Variants in STX8 observed in about 807,000 individuals in gnomAD.
The protein encoded by STX8 is syntaxin 8, also known as syntaxin-8.
Under a neutral mutation model 37.5 loss-of-function variants are expected in STX8, and 23 were observed. That is an observed-to-expected ratio of 0.61 (90% CI 0.44 to 0.87). STX8 has a LOEUF of 0.87. STX8 is among the 40% of genes least tolerant of loss of function. The probability of loss-of-function intolerance (pLI) is 0.00; values close to 1 mark genes in which losing one functional copy is unlikely to be tolerated. For missense variants in STX8, 313 were observed against 284.7 expected (o/e 1.10, Z -0.71); for synonymous variants, 115 against 99.1 (o/e 1.16, Z -0.95).
At chr17:9,422,042 G>A (rs554422336) in intron 6 of STX8, among the ~76,000 whole-genome samples, 3 of 151,868 alleles carry the variant, frequency 2.0e-5, no homozygotes, top group Admixed American at 6.6e-5. Context: ...TTCCTGTAGA[G>A]CCTGTGGAAC....
At chr17:9,403,496 T>C (rs1263030828) in intron 6 of STX8, among the ~76,000 whole-genome samples, 1 of 152,144 alleles carries the variant, frequency 6.6e-6, no homozygotes, top group Non-Finnish European at 1.5e-5. Context: ...ATTAACATCT[T>C]CCTTAGGAGG....
Position 9,362,843 on chromosome 17 carries a change from AT to A in STX8, c.643+15708del, listed in dbSNP as rs1161921333. Among the ~76,000 whole-genome samples, 139 of 141,978 alleles carry A rather than the reference AT, an allele frequency of 9.8e-4. 1 individual carries two copies. Among genetic ancestry groups the A allele is most frequent in the Middle Eastern group, 3.6e-3 (1 of 274 alleles). 93.1% of individuals were successfully genotyped at this position (141,978 alleles called of 152,430 possible). A position where few individuals can be genotyped will look rare whatever the true frequency, so the allele number is the denominator to read the frequency against. Reference sequence around the variant, plus strand: ...GACTCCGTCTCAAAAAAAAAAAAAAATAAATAAATAAATAAATAAATAATCT... The same window carrying A: ...GACTCCGTCTCAAAAAAAAAAAAAAAAAATAAATAAATAAATAAATAATCT... On this transcript the variant is annotated intron_variant, in intron 7 of 7. Transcript: ENST00000306357.
intron 7 of STX8, among the ~76,000 whole-genome samples, chr17:9,286,875 G>A (rs1176106970): frequency 1.3e-5 from 2 of 152,128 alleles, no homozygotes; most frequent in Non-Finnish European, 2.9e-5. Flanking sequence ...TCGAGCTGAG[G>A]CTATGCCACT....
intron 7 of STX8, among the ~76,000 whole-genome samples, chr17:9,295,999 GC>G (rs1908518699): frequency 6.6e-6 from 1 of 152,086 alleles, no homozygotes; most frequent in East Asian, 1.9e-4. Flanking sequence ...GACCATCCTG[GC>G]TAACACGGTG....
In STX8 at chr17:9,366,384, G is replaced by A. The variant is rs184046575; in HGVS notation, c.643+12168C>T. ...GTAGCTGGGACTACAGGCATGTACC[G>A]CCATGCCTGGCTAATTTGTGTATTT... is the stretch of plus-strand genomic sequence containing the variant. On this transcript the variant is annotated intron_variant, in intron 7 of 7. Transcript: ENST00000306357. 5.5e-3 allele frequency among the ~76,000 whole-genome samples: 831 copies of A among 152,206 alleles called. 8 individuals are homozygous for A. The highest frequency in any genetic ancestry group is 0.019 in the African/African-American group (789 of 41,540).
chr17:9,373,938 TAAAAAAA>T (rs76173982), intron 7 of STX8, among the ~76,000 whole-genome samples: 1 of 105,306 alleles, frequency 9.5e-6, no homozygotes, highest in Admixed American at 1.1e-4. Flanking sequence ...GAACTCTATC[TAAAAAAA>T]AAAAAAAAAA....
chr17:9,523,219 G>C (rs1395863597), intron 4 of STX8, among the ~76,000 whole-genome samples: 1 of 151,158 alleles, frequency 6.6e-6, no homozygotes, highest in Non-Finnish European at 1.5e-5. Flanking sequence ...GGCTGAGGCA[G>C]GAGAATCACT....
At position 9,262,530 on chromosome 17, in the gene STX8, CAT is replaced by C. The variant is rs141325260; in HGVS notation, c.644-11887_644-11886del. Among the ~76,000 whole-genome samples the C allele has an allele frequency of 7.6e-3, 1,156 of 152,158 alleles. 15 individuals are homozygous for C. Among genetic ancestry groups the C allele is most frequent in the African/African-American group, 0.027 (1,108 of 41,498 alleles). Reference sequence around the variant, plus strand: ...AACTCAACATCACTCAAATAAATTACATGTTTTTTGTTTCTTTGTTTTTTGGT... The same window carrying C: ...AACTCAACATCACTCAAATAAATTACGTTTTTTGTTTCTTTGTTTTTTGGT... On this transcript the variant is annotated intron_variant, in intron 7 of 7. Transcript: ENST00000306357.
At chr17:9,556,023 A>T (rs1170297389) in intron 3 of STX8, among the ~76,000 whole-genome samples, 1 of 152,228 alleles carries the variant, frequency 6.6e-6, no homozygotes, top group Admixed American at 6.5e-5. Flanking sequence ...ACCAGATGGA[A>T]GGTAAAGTAT....
chr17:9,337,211 C>CT (rs2142225649), intron 7 of STX8, among the ~76,000 whole-genome samples: 3 of 152,208 alleles, frequency 2.0e-5, no homozygotes, highest in East Asian at 1.9e-4. Flanking sequence ...AGAGAAAAGG[C>CT]TTTTTCCCAG....
intron 1 of STX8, among the ~76,000 whole-genome samples, chr17:9,570,309 C>T (rs1376500393): frequency 6.6e-6 from 1 of 151,816 alleles, no homozygotes; most frequent in Non-Finnish European, 1.5e-5. Context: ...GAGCCAGGTC[C>T]TATACTAAGA....
intron 7 of STX8, among the ~76,000 whole-genome samples, chr17:9,273,066 C>T (rs369516260): frequency 1.3e-5 from 2 of 152,332 alleles, no homozygotes; most frequent in Admixed American, 6.5e-5. Flanking sequence ...CGCCCTTTGG[C>T]GAGGCGAAAG....
chr17:9,329,008 C>A (rs766113125), intron 7 of STX8, among the ~76,000 whole-genome samples: 1 of 137,516 alleles, frequency 7.3e-6, no homozygotes, highest in Non-Finnish European at 1.5e-5. Flanking sequence ...TGAGATCGCG[C>A]CACTGCACTT....
intron 4 of STX8, among the ~76,000 whole-genome samples, chr17:9,532,435 G>C (rs900129166): frequency 3.3e-5 from 5 of 151,988 alleles, no homozygotes; most frequent in Admixed American, 3.3e-4. Context: ...ATAGAGACTG[G>C]GGATATGGGC....
In STX8 at chr17:9,334,606, C is replaced by A. The variant is rs111654046; in HGVS notation, c.643+43946G>T. On this transcript the variant is annotated intron_variant, in intron 7 of 7. Transcript: ENST00000306357. Reference sequence around the variant, plus strand: ...AGTCTCGAAGTATGCAGGATATGATCCCAAAATGGTTGAAAGGAATAAAAA... The same window carrying A: ...AGTCTCGAAGTATGCAGGATATGATACCAAAATGGTTGAAAGGAATAAAAA... Among the ~76,000 whole-genome samples, 416 of 151,702 alleles carry A rather than the reference C, an allele frequency of 2.7e-3. 1 individual carries two copies. Among genetic ancestry groups the A allele is most frequent in the African/African-American group, 9.1e-3 (377 of 41,390 alleles).
intron 6 of STX8, among the ~76,000 whole-genome samples, chr17:9,491,065 TTC>T (rs1158217811): frequency 6.6e-6 from 1 of 152,144 alleles, no homozygotes; most frequent in African/African-American, 2.4e-5. Flanking sequence ...CTCCCATCTC[TTC>T]TCTTTGGCTC....
intron 6 of STX8, among the ~76,000 whole-genome samples, chr17:9,402,669 A>G (rs922058239): frequency 2.6e-5 from 4 of 152,166 alleles, no homozygotes; most frequent in Non-Finnish European, 5.9e-5. Context: ...TCAGTTAACA[A>G]TTAATTACCT....
intron 6 of STX8, among the ~76,000 whole-genome samples, chr17:9,423,754 TAAAAG>T (rs1913526496): frequency 6.6e-6 from 1 of 152,190 alleles, no homozygotes; most frequent in South Asian, 2.1e-4. Context: ...CCTCCAAAGA[TAAAAG>T]AAAAACACTG....
chr17:9,524,998 G>C (rs1466496987), intron 4 of STX8, among the ~76,000 whole-genome samples: 1 of 152,162 alleles, frequency 6.6e-6, no homozygotes, highest in Non-Finnish European at 1.5e-5. Context: ...GGGTAGAGAT[G>C]GGGTTTCACC....
Sources: gnomAD v4.1 joint callset for allele counts (sites outside exome capture counted in the v4.1 genomes callset) on GRCh38, gnomAD v4.1.1 for gene constraint, MANE v1.5 for transcripts, NCBI Gene and HGNC (gene_info 2026-07-23, HGNC 2026-07-21) for gene names.